Variants in KIF2C observed in about 807,000 individuals in gnomAD.
KIF2C encodes the protein kinesin-like protein KIF2C.
Under a neutral mutation model 97.4 loss-of-function variants are expected in KIF2C, and 34 were observed. That is an observed-to-expected ratio of 0.35 (90% CI 0.27 to 0.46). The LOEUF is 0.46. Among genes scored for constraint, KIF2C ranks in the 20% least tolerant of loss-of-function variants. The pLI is 1.00. For synonymous variants in KIF2C, 313 were observed against 318.2 expected (o/e 0.98, Z 0.17); for missense variants, 750 against 907.6 (o/e 0.83, Z 2.23).
chr1:44,762,024 G>C, intron 17 of KIF2C, 41 bp downstream of exon 17: 1 of 1,572,344 alleles, frequency 6.4e-7, no homozygotes. Context: ...GAACAGGACT[G>C]GGCAAGGGAA....
At chr1:44,751,585 C>T (rs950802720) in intron 5 of KIF2C, among the ~76,000 whole-genome samples, 1 of 149,198 alleles carries the variant, frequency 6.7e-6, no homozygotes, top group Non-Finnish European at 1.5e-5. Flanking sequence ...CTTGGCTAAC[C>T]TCAATCTCTG....
chr1:44,756,024 A>C, intron 9 of KIF2C, 41 bp downstream of exon 9: 2 of 1,614,106 alleles, frequency 1.2e-6, no homozygotes, highest in South Asian at 1.1e-5. Flanking sequence ...AGACTGACTA[A>C]TGGGCCTTCT....
chr1:44,749,298 G>A (rs985020406), intron 4 of KIF2C, among the ~76,000 whole-genome samples: 4 of 152,174 alleles, frequency 2.6e-5, no homozygotes, highest in Non-Finnish European at 5.9e-5. Flanking sequence ...GCCAGGCGTG[G>A]TGGTGGGTGC....
At chr1:44,756,821 G>T (rs1465807960) in intron 10 of KIF2C, among the ~76,000 whole-genome samples, 1 of 151,670 alleles carries the variant, frequency 6.6e-6, no homozygotes, top group African/African-American at 2.4e-5. Flanking sequence ...CAAAGTGCTG[G>T]GATTAAAGGT....
At chr1:44,761,251 T>G (rs1019257203) in intron 16 of KIF2C, among the ~76,000 whole-genome samples, 1 of 152,190 alleles carries the variant, frequency 6.6e-6, no homozygotes, top group Non-Finnish European at 1.5e-5. Context: ...AAGCTCTACC[T>G]AAGGCATTAT....
intron 19 of KIF2C, among the ~76,000 whole-genome samples, chr1:44,764,262 G>A (rs1453666010): frequency 3.3e-5 from 5 of 151,848 alleles, no homozygotes; most frequent in African/African-American, 1.2e-4. Flanking sequence ...TGCAGCCTCC[G>A]CCTCCTGGGT....
rs1649261810 is a variant in KIF2C, at chr1:44,747,364, C to T, written c.166-20C>T. The T allele has an allele frequency of 6.6e-7, 1 of 1,517,160 alleles. No homozygotes were observed. The highest frequency in any genetic ancestry group is 9.1e-7 in the Non-Finnish European group (1 of 1,101,380). 94.0% of individuals were successfully genotyped at this position (1,517,160 alleles called of 1,614,324 possible). ...ATTGAACAATGTTGTTTCATTGAAA[C>T]TTTTACTTGCTCCTTGCAGATTGAT... is the stretch of plus-strand genomic sequence containing the variant. On this transcript the variant is annotated intron_variant, in intron 2 of 20. Transcript: ENST00000372224.
intron 1 of KIF2C, 42 bp from the exon 2 acceptor site, chr1:44,740,871 C>T (rs776899338): frequency 7.2e-7 from 1 of 1,389,036 alleles, no homozygotes; most frequent in East Asian, 2.5e-5. Context: ...GTGAAGCTCT[C>T]AGGAAAGAGA....
chr1:44,746,683 G>T, intron 2 of KIF2C: 1 of 1,592,454 alleles, frequency 6.3e-7, no homozygotes, highest in Admixed American at 1.8e-5. Context: ...CTGCCTGTCT[G>T]CCCTCCTCTT....
Position 44,761,620 on chromosome 1 carries a change from GAAAAA to G in KIF2C, c.1684-294_1684-290del, listed in dbSNP as rs541542381. Among the ~76,000 whole-genome samples the G allele has an allele frequency of 4.4e-3, 658 of 149,026 alleles. 5 individuals carry two copies. The highest frequency in any genetic ancestry group is 0.016 in the African/African-American group (632 of 39,204). ...GAGACTCCGTCTCAAAAAAAAAAAA[GAAAAA>G]AGAAAAAGATAGGACCTTGGTAGCA... is the stretch of plus-strand genomic sequence containing the variant. On this transcript the variant is annotated intron_variant, in intron 16 of 20. Transcript: ENST00000372224.
At chr1:44,743,078 C>G (rs1264304122) in intron 2 of KIF2C, among the ~76,000 whole-genome samples, 1 of 152,112 alleles carries the variant, frequency 6.6e-6, no homozygotes, top group Non-Finnish European at 1.5e-5. Context: ...GCTTGGCAGC[C>G]GCAAAACAGC....
chr1:44,750,478 C>T lies in KIF2C; in HGVS notation c.353C>T (p.Ser118Leu). ...RSRSTRMSTV[S>L]ELRITAQEND... is the part of the protein sequence containing the mutation. ...CGCTCCACTCGCATGTCCACTGTCT[C>T]AGAGCTTCGCATCACGGCTCAGGAG... Residue 118 changes from serine (S) to leucine (L), a missense_variant, in exon 5 of 21, where the codon TCA becomes TTA. Physicochemically the swap from Ser to Leu is moderately radical, Grantham distance 145. Transcript: ENST00000372224. The T allele has an allele frequency of 6.3e-7, 1 of 1,587,048 alleles. No individual in the cohort carries two copies. Among genetic ancestry groups the T allele is most frequent in the Non-Finnish European group, 8.6e-7 (1 of 1,164,496 alleles).
At position 44,767,175 on chromosome 1, in the gene KIF2C, A is replaced by G. The variant is rs1168021641; in HGVS notation, c.2174A>G (p.Gln725Arg). The G allele has an allele frequency of 6.2e-7, 1 of 1,614,024 alleles. No individual in the cohort carries two copies. The highest frequency in any genetic ancestry group is 8.5e-7 in the Non-Finnish European group (1 of 1,179,902). Residue 725 changes from glutamine (Q) to arginine (R), a missense_variant, in exon 21 of 21, where the codon CAG (glutamine) becomes CGG (arginine). Physicochemically the swap from Gln to Arg is conservative, Grantham distance 43. Coordinates refer to ENST00000372224, the MANE Select transcript of KIF2C (RefSeq NM_006845.4). ...CAAATAAGCAGCAAGAAACGGCCCC[A>G]GTGACGACTGCAAATAAAAATCTGT... The part of the protein sequence containing the change: ...SRQISSKKRP[Q>R]
chr1:44,740,194 C>T (rs983288398), intron 1 of KIF2C, among the ~76,000 whole-genome samples, 192 bp downstream of exon 1: 2 of 152,186 alleles, frequency 1.3e-5, no homozygotes, highest in East Asian at 3.8e-4. Context: ...CTGCGCTGTA[C>T]GTGGTCCCTT....
At chr1:44,743,065 G>T (rs1649015602) in intron 2 of KIF2C, among the ~76,000 whole-genome samples, 1 of 152,194 alleles carries the variant, frequency 6.6e-6, no homozygotes, top group East Asian at 1.9e-4. Context: ...CAGGGCCCAG[G>T]ATGCTTGGCA....
At chr1:44,748,922 C>T (rs1649363783) in intron 4 of KIF2C, among the ~76,000 whole-genome samples, 1 of 151,982 alleles carries the variant, frequency 6.6e-6, no homozygotes, top group Non-Finnish European at 1.5e-5. Context: ...TCAAGCAGTC[C>T]TCCTGCCTCA....
intron 19 of KIF2C, among the ~76,000 whole-genome samples, chr1:44,763,048 G>T (rs1363451973): frequency 6.6e-6 from 1 of 152,214 alleles, no homozygotes; most frequent in African/African-American, 2.4e-5. Flanking sequence ...TATGACTTGA[G>T]ATCAATCCTG....
Position 44,763,138 on chromosome 1 carries a change from T to G in KIF2C, c.1971+480T>G, listed in dbSNP as rs1650256570. On this transcript the variant is annotated intron_variant, in intron 19 of 20. Coordinates refer to ENST00000372224, the MANE Select transcript of KIF2C (RefSeq NM_006845.4). ...CTCAGTTTTTGCATCTCTGAAATGG[T>G]CAAGGTAGGATGGTTGTATTTGAGC... 2.0e-5 allele frequency among the ~76,000 whole-genome samples: 3 copies of G among 152,240 alleles called. No homozygotes were observed. The South Asian group carries it at 6.2e-4, about 32-fold the overall frequency.
intron 13 of KIF2C, 78 bp from the exon 14 acceptor site, chr1:44,759,128 C>G: frequency 6.3e-7 from 1 of 1,577,318 alleles, no homozygotes; most frequent in East Asian, 2.2e-5. Context: ...CCGAGCTGGG[C>G]AGGCTAGTAG....
Sources: gnomAD v4.1 joint callset for allele counts (sites outside exome capture counted in the v4.1 genomes callset) on GRCh38, gnomAD v4.1.1 for gene constraint, MANE v1.5 for transcripts, NCBI Gene and HGNC (gene_info 2026-07-23, HGNC 2026-07-21) for gene names.